The following KALRN variants were observed in gnomAD, a reference collection of about 807,000 sequenced individuals.
The protein encoded by KALRN is kalirin.
KALRN carries 70 observed loss-of-function variants against 353.7 expected under a neutral mutation model. The observed-to-expected ratio is 0.20, with a 90% CI of 0.16 to 0.24. The LOEUF (loss-of-function observed/expected upper bound fraction) is 0.24. KALRN is among the 10% of genes least tolerant of loss of function. The pLI is 1.00. For missense variants in KALRN, 2,791 were observed against 3,756.7 expected (o/e 0.74, Z 6.72); for synonymous variants, 1,391 against 1,434.8 (o/e 0.97, Z 0.69).
At chr3:124,560,576 T>G (rs78638913) in intron 33 of KALRN, among the ~76,000 whole-genome samples, 3,801 of 152,322 alleles carry the variant, frequency 0.025, 62 homozygotes, top group Middle Eastern at 0.068. Flanking sequence ...AAATATGAAG[T>G]GTATTTCTTA....
intron 1 of KALRN, among the ~76,000 whole-genome samples, chr3:124,220,978 A>T (rs1233408893): frequency 6.6e-6 from 1 of 152,130 alleles, no homozygotes; most frequent in East Asian, 1.9e-4. Context: ...GACCAGCCAG[A>T]TTCCACCCAG....
chr3:124,565,035 G>T (rs1038984380), intron 34 of KALRN, among the ~76,000 whole-genome samples: 1 of 152,194 alleles, frequency 6.6e-6, no homozygotes, highest in African/African-American at 2.4e-5. Context: ...GCTTCCTGAT[G>T]GTTAACTGTG....
chr3:124,281,629 G>C (rs141288863), intron 5 of KALRN, among the ~76,000 whole-genome samples: 181 of 152,266 alleles, frequency 1.2e-3, no homozygotes, highest in African/African-American at 4.2e-3. Context: ...TCTCTGTTCT[G>C]CCCTGTTGGA....
chr3:124,442,075 GC>G lies in KALRN; in HGVS notation c.3313+19del. ...CAAGTGAAAGGTCAGTGAGAGACCT[GC>G]CCAGCCACCAGTCACTTCAGCGACA... is the stretch of plus-strand genomic sequence containing the variant. On this transcript the variant is annotated intron_variant, in intron 19 of 59. Coordinates refer to ENST00000682506, the MANE Select transcript of KALRN (RefSeq NM_001388419.1). 6.5e-7 allele frequency: 1 copy of G among 1,530,134 alleles called. No individual in the cohort carries two copies. The allele number at this position is 1,530,134 out of a possible 1,614,324, so 94.8% of individuals were successfully genotyped here. A position where few individuals can be genotyped will look rare whatever the true frequency, so the allele number is the denominator to read the frequency against.
At chr3:124,251,162 C>T (rs2071091684) in intron 3 of KALRN, among the ~76,000 whole-genome samples, 1 of 152,120 alleles carries the variant, frequency 6.6e-6, no homozygotes, top group African/African-American at 2.4e-5. Context: ...AATGACCTTA[C>T]TGATTGACAA....
chr3:124,582,018 A>G (rs1445757681), intron 34 of KALRN, among the ~76,000 whole-genome samples: 3 of 136,096 alleles, frequency 2.2e-5, no homozygotes, highest in Non-Finnish European at 4.7e-5. Context: ...AACATGAGCT[A>G]TTTTTTTTTT....
intron 6 of KALRN, among the ~76,000 whole-genome samples, chr3:124,304,071 C>G (rs1339947636): frequency 1.3e-5 from 2 of 151,438 alleles, no homozygotes; most frequent in African/African-American, 2.4e-5. Context: ...GTGGCACTTC[C>G]CATCTCCAAA....
Position 124,678,190 on chromosome 3 carries a change from G to A in KALRN, c.7194G>A (p.Lys2398=), listed in dbSNP as rs745581624. The change falls in exon 50 of 60, where the codon AAG becomes AAA. Residue 2398 remains lysine, a splice_region_variant and synonymous_variant. Coordinates refer to ENST00000682506, the MANE Select transcript of KALRN (RefSeq NM_001388419.1). ...TAAESSDGSI[K]KSCSWHTLRM... ...ATTGGTGCATTTTTTGGTACAACAG[G>A]AAGTCATGTTCATGGCATACTCTAC... 10 of 1,613,508 alleles carry A rather than the reference G, an allele frequency of 6.2e-6. No homozygotes were observed. The highest frequency in any genetic ancestry group is 7.6e-6 in the Non-Finnish European group (9 of 1,179,716).
At chr3:124,518,418 C>T in intron 33 of KALRN, 4 of 1,614,062 alleles carry the variant, frequency 2.5e-6, no homozygotes, top group Non-Finnish European at 2.5e-6. Flanking sequence ...CCTTGTTCCT[C>T]GGTGGCACCT....
In KALRN at chr3:124,384,953, C is replaced by T. The variant is rs377421115; in HGVS notation, c.1879C>T (p.Arg627Cys). 1.1e-5 allele frequency: 18 copies of T among 1,613,926 alleles called. No individual in the cohort carries two copies. Among genetic ancestry groups the T allele is most frequent in the Non-Finnish European group, 1.4e-5 (17 of 1,179,964 alleles). Residue 627 changes from arginine to cysteine, a missense_variant, in exon 11 of 60, where the codon CGC becomes TGC. Physicochemically the swap from Arg to Cys is radical, Grantham distance 180. Transcript: ENST00000682506. ...IYKAARHLEV[R>C]IQDFVRRVEQ... ...CAAGGCAGCTCGACACCTGGAGGTGCGCATCCAAGACTTCGTGCGCAGGGT... is the reference window on the plus strand; with the variant it reads ...CAAGGCAGCTCGACACCTGGAGGTGTGCATCCAAGACTTCGTGCGCAGGGT...
At chr3:124,495,957 G>GTATATATATA (rs201949824) in intron 32 of KALRN, among the ~76,000 whole-genome samples, 2 of 44,224 alleles carry the variant, frequency 4.5e-5, no homozygotes, top group African/African-American at 8.7e-5. Context: ...GTGTGTATGT[G>GTATATATATA]TATGTATGTA....
rs1055839779 is a variant in KALRN at position 124,319,990 on chromosome 3, T to C, written c.1093-5990T>C. ...GCCTGGGCAACAGAGTGAGACTCCA[T>C]CTCAATAATAATAATAATAATAATA... On this transcript the variant is annotated intron_variant, in intron 6 of 59. Transcript: ENST00000682506. Among the ~76,000 whole-genome samples, 4 of 131,768 alleles carry C rather than the reference T, an allele frequency of 3.0e-5. No homozygotes were observed. In the South Asian group the frequency reaches 9.2e-4, roughly 30 times the overall value. The allele number at this position is 131,768 out of a possible 152,430, so 86.4% of individuals were successfully genotyped here.
chr3:124,301,231 G>A (rs1214588983), intron 6 of KALRN, among the ~76,000 whole-genome samples: 1 of 152,226 alleles, frequency 6.6e-6, no homozygotes, highest in Non-Finnish European at 1.5e-5. Context: ...CTCTGCTAGT[G>A]TGGATAACTG....
At chr3:124,271,125 C>T (rs2074124640) in intron 5 of KALRN, among the ~76,000 whole-genome samples, 1 of 152,072 alleles carries the variant, frequency 6.6e-6, no homozygotes, top group African/African-American at 2.4e-5. Flanking sequence ...GCCACCGTGC[C>T]CGGCCCTGTT....
chr3:124,138,838 A>T (rs1044442804), intron 1 of KALRN, among the ~76,000 whole-genome samples: 2 of 152,180 alleles, frequency 1.3e-5, no homozygotes, highest in Non-Finnish European at 2.9e-5. Flanking sequence ...GGAGGAGACC[A>T]TGGTATTCAT....
chr3:124,235,845 T>C (rs1167169780), intron 3 of KALRN, among the ~76,000 whole-genome samples: 1 of 152,252 alleles, frequency 6.6e-6, no homozygotes, highest in Admixed American at 6.5e-5. Context: ...GTGCATTTTA[T>C]AGAAGAATTA....
At chr3:124,309,214 A>C (rs762012659) in intron 6 of KALRN, among the ~76,000 whole-genome samples, 5 of 151,972 alleles carry the variant, frequency 3.3e-5, no homozygotes, top group Non-Finnish European at 5.9e-5. Context: ...TCTACCAAAC[A>C]TTTAAAGAAT....
intron 49 of KALRN, among the ~76,000 whole-genome samples, chr3:124,676,839 C>G (rs1171926126): frequency 6.6e-6 from 1 of 152,124 alleles, no homozygotes; most frequent in Non-Finnish European, 1.5e-5. Flanking sequence ...GGCTGGTTCT[C>G]ACTTATACAA....
intron 59 of KALRN, 35 bp from the exon 60 acceptor site, chr3:124,718,890 C>T: frequency 6.2e-7 from 1 of 1,600,136 alleles, no homozygotes; most frequent in African/African-American, 1.3e-5. Context: ...CCTAAACTTC[C>T]CTTCTTTTCT....
Sources: allele counts gnomAD v4.1 joint callset (sites outside exome capture counted in the v4.1 genomes callset), GRCh38; gene constraint gnomAD v4.1.1; transcripts MANE v1.5; gene names NCBI Gene and HGNC (gene_info 2026-07-23, HGNC 2026-07-21).